DLGAP2: variants seen among roughly 807,000 people sequenced by gnomAD.
DLGAP2 encodes DLG associated protein 2.
In DLGAP2, 26 loss-of-function variants were observed where a neutral mutation model predicts 100.3. That is an observed-to-expected ratio of 0.26 (90% CI 0.19 to 0.36). The LOEUF (loss-of-function observed/expected upper bound fraction) is 0.36. Among genes scored for constraint, DLGAP2 ranks in the 10% least tolerant of loss-of-function variants. DLGAP2 has a pLI of 1.00. For missense variants in DLGAP2, 1,858 were observed against 1,453.2 expected (o/e 1.28, Z -4.53); for synonymous variants, 886 against 630.1 (o/e 1.41, Z -6.08).
At chr8:813,855 A>G (rs1796415605) in intron 1 of DLGAP2, among the ~76,000 whole-genome samples, 1 of 152,094 alleles carries the variant, frequency 6.6e-6, no homozygotes, top group South Asian at 2.1e-4. Flanking sequence ...CCTGCCTCTC[A>G]ATGTTCTTCT....
intron 6 of DLGAP2, among the ~76,000 whole-genome samples, chr8:1,590,563 T>A (rs1796260721): frequency 6.6e-6 from 1 of 152,168 alleles, no homozygotes; most frequent in South Asian, 2.1e-4. Flanking sequence ...TTCAAATCAG[T>A]TTAGCGATTG....
intron 3 of DLGAP2, among the ~76,000 whole-genome samples, chr8:1,344,117 G>GGGGCGCTGTCGTGGGTCCGTGTACTGT (rs1801488510): frequency 8.0e-6 from 1 of 125,630 alleles, no homozygotes; most frequent in African/African-American, 2.9e-5. Flanking sequence ...CCATGTATTC[G>GGGGCGCTGTCGTGGGTCCGTGTACTGT]GGGCCCTGTC....
chr8:854,446 A>T (rs946866829), intron 1 of DLGAP2, among the ~76,000 whole-genome samples: 1 of 151,958 alleles, frequency 6.6e-6, no homozygotes, highest in Non-Finnish European at 1.5e-5. Flanking sequence ...TGAGGCCAGG[A>T]GGCTGTGTCT....
At chr8:1,422,787 C>T (rs553257796) in intron 3 of DLGAP2, among the ~76,000 whole-genome samples, 5 of 152,176 alleles carry the variant, frequency 3.3e-5, no homozygotes, top group Admixed American at 2.6e-4. Flanking sequence ...AGGGGAAAGG[C>T]TGAGGGCATG....
intron 4 of DLGAP2, among the ~76,000 whole-genome samples, chr8:1,523,926 A>G (rs1800702647): frequency 6.6e-6 from 1 of 152,190 alleles, no homozygotes; most frequent in African/African-American, 2.4e-5. Context: ...GATAATCTTA[A>G]GCTGCTGGAT....
chr8:1,278,858 A>G (rs189112361), intron 3 of DLGAP2, among the ~76,000 whole-genome samples: 11 of 152,348 alleles, frequency 7.2e-5, no homozygotes, highest in African/African-American at 1.9e-4. Flanking sequence ...GAGGAAGACT[A>G]TGTGTACGAC....
At chr8:1,340,934 G>A (rs935509964) in intron 3 of DLGAP2, among the ~76,000 whole-genome samples, 18 of 152,208 alleles carry the variant, frequency 1.2e-4, no homozygotes, top group Admixed American at 9.8e-4. Context: ...CTTTTGCAGG[G>A]ATATGGATGG....
intron 2 of DLGAP2, among the ~76,000 whole-genome samples, chr8:1,219,323 T>A (rs531586380): frequency 1.3e-5 from 2 of 152,340 alleles, no homozygotes; most frequent in East Asian, 3.9e-4. Flanking sequence ...GTTTTTAACA[T>A]GAAAGGATGT....
chr8:787,097 G>A (rs1821886489), intron 1 of DLGAP2, among the ~76,000 whole-genome samples: 1 of 152,172 alleles, frequency 6.6e-6, no homozygotes, highest in Non-Finnish European at 1.5e-5. Context: ...TAGGTAAACT[G>A]ACGATGCTTT....
chr8:1,543,922 A>C (rs1801447824), intron 4 of DLGAP2, among the ~76,000 whole-genome samples: 1 of 150,962 alleles, frequency 6.6e-6, no homozygotes, highest in Non-Finnish European at 1.5e-5. Flanking sequence ...TTTTTTTAAG[A>C]GACAAAGTCT....
intron 1 of DLGAP2, chr8:891,129 A>ACC (rs143905782): frequency 0.051 from 6,095 of 119,808 alleles, 156 homozygotes; most frequent in African/African-American, 0.11. Context: ...TAAATAAGGC[A>ACC]CCCCCCCCCC....
chr8:1,317,351 A>T (rs1476977075), intron 3 of DLGAP2, among the ~76,000 whole-genome samples: 2 of 131,280 alleles, frequency 1.5e-5, no homozygotes, highest in South Asian at 2.5e-4. Context: ...ACAGTGGTCT[A>T]CACTCGAGAA....
intron 2 of DLGAP2, among the ~76,000 whole-genome samples, chr8:1,205,790 A>G (rs1396965146): frequency 6.6e-6 from 1 of 152,136 alleles, no homozygotes; most frequent in African/African-American, 2.4e-5. Context: ...AAATTCATGG[A>G]GTCCTAGGAG....
At chr8:1,627,053 C>T (rs1186881463) in intron 7 of DLGAP2, among the ~76,000 whole-genome samples, 166 bp downstream of exon 7, 1 of 152,268 alleles carries the variant, frequency 6.6e-6, no homozygotes, top group African/African-American at 2.4e-5. Flanking sequence ...GCTGATTAGA[C>T]TCGTGGACTT....
intron 4 of DLGAP2, among the ~76,000 whole-genome samples, chr8:1,508,352 A>C (rs1483516462): frequency 1.5e-3 from 26 of 17,474 alleles, no homozygotes; most frequent in South Asian, 2.6e-3. Context: ...AAACCCCCGC[A>C]AACCCCCGCC....
intron 2 of DLGAP2, among the ~76,000 whole-genome samples, chr8:939,806 G>A (rs1799151268): frequency 6.9e-6 from 1 of 144,282 alleles, no homozygotes; most frequent in African/African-American, 2.6e-5. Flanking sequence ...AGGGGCTGGG[G>A]TGCCTGGGAG....
chr8:1,069,330 C>A (rs888286062), intron 2 of DLGAP2, among the ~76,000 whole-genome samples: 2 of 152,022 alleles, frequency 1.3e-5, no homozygotes, highest in Non-Finnish European at 2.9e-5. Flanking sequence ...GTCGGACAGA[C>A]CTGCGGCCCG....
chr8:1,596,245 G>A (rs1279761579), intron 6 of DLGAP2, among the ~76,000 whole-genome samples: 1 of 152,098 alleles, frequency 6.6e-6, no homozygotes, highest in Non-Finnish European at 1.5e-5. Context: ...GTGTATATGT[G>A]CCACATTTTC....
Position 1,702,780 on chromosome 8 carries a change from A to G in DLGAP2, c.*1374A>G, listed in dbSNP as rs1385201948. ...AGTTCAGACCGGTCTTCAAAGGAAA[A>G]GCCTGTCCGATTTTTCCATGGGTTC... On this transcript the variant is annotated 3_prime_UTR_variant, in exon 15 of 15. Transcript: ENST00000637795. The G allele has an allele frequency of 1.3e-5, 2 of 152,360 alleles. No homozygotes were observed. The highest frequency in any genetic ancestry group is 4.8e-5 in the African/African-American group (2 of 41,448). The allele number at this position is 152,360 out of a possible 1,614,324, so 9.4% of individuals were successfully genotyped here. A position where few individuals can be genotyped will look rare whatever the true frequency, so the allele number is the denominator to read the frequency against.
Sources: gnomAD v4.1 joint callset for allele counts (sites outside exome capture counted in the v4.1 genomes callset) on GRCh38, gnomAD v4.1.1 for gene constraint, MANE v1.5 for transcripts, NCBI Gene and HGNC (gene_info 2026-07-23, HGNC 2026-07-21) for gene names.